C11orf71: variants seen among roughly 807,000 people sequenced by gnomAD.
C11orf71 encodes the protein uncharacterized protein C11orf71.
For missense variants in C11orf71, 179 were observed against 167.6 expected (o/e 1.07, Z -0.38); for synonymous variants, 72 against 73.4 (o/e 0.98, Z 0.09).
chr11:114,392,529 C>CAAAAAAAAAAAAAAA (rs386374967), intron 1 of C11orf71, among the ~76,000 whole-genome samples: 1 of 51,646 alleles, frequency 1.9e-5, no homozygotes, highest in Admixed American at 3.0e-4. Flanking sequence ...TAGAATGAGA[C>CAAAAAAAAAAAAAAA]AAAAAAAAAA....
downstream of C11orf71, among the ~76,000 whole-genome samples, chr11:114,395,334 G>C (rs1349996161): frequency 1.3e-5 from 2 of 152,172 alleles, no homozygotes; most frequent in African/African-American, 4.8e-5. Context: ...AATCTAGATG[G>C]ATAAAAGTTT....
At chr11:114,392,529 C>CAAAAA (rs386374967) in intron 1 of C11orf71, among the ~76,000 whole-genome samples, 221 of 50,980 alleles carry the variant, frequency 4.3e-3, no homozygotes, top group East Asian at 8.1e-3. Context: ...TAGAATGAGA[C>CAAAAA]AAAAAAAAAA....
intron 1 of C11orf71, among the ~76,000 whole-genome samples, chr11:114,392,988 C>T (rs781069558): frequency 1.3e-5 from 2 of 152,186 alleles, no homozygotes; most frequent in Non-Finnish European, 2.9e-5. Flanking sequence ...TACAGTCCTC[C>T]AGCTAAGAAT....
chr11:114,400,493 G>C lies in C11orf71; in HGVS notation c.-162C>G, dbSNP rs867490030. ...CCAGAAGCCGCCTTGCCTTTAACGAGGGGTATCCTGGCGAGCATGCGCAGA... is the reference window on the plus strand; with the variant it reads ...CCAGAAGCCGCCTTGCCTTTAACGACGGGTATCCTGGCGAGCATGCGCAGA... On this transcript the variant is annotated 5_prime_UTR_variant, in exon 1 of 1. Coordinates refer to ENST00000623205, the MANE Select transcript of C11orf71 (RefSeq NM_001271562.2). 3 of 1,266,210 alleles carry C rather than the reference G, an allele frequency of 2.4e-6. No homozygotes were observed. Among genetic ancestry groups the C allele is most frequent in the Non-Finnish European group, 3.2e-6 (3 of 929,872 alleles). 78.4% of individuals were successfully genotyped at this position (1,266,210 alleles called of 1,614,324 possible).
Position 114,391,552 on chromosome 11 carries a change from A to G in C11orf71, c.*13T>C, listed in dbSNP as rs779848963. 11 of 1,386,442 alleles carry G rather than the reference A, an allele frequency of 7.9e-6. No individual in the cohort carries two copies. The South Asian group carries it at 1.2e-4, about 15-fold the overall frequency. 85.9% of individuals were successfully genotyped at this position (1,386,442 alleles called of 1,614,324 possible). A position where few individuals can be genotyped will look rare whatever the true frequency, so the allele number is the denominator to read the frequency against. ...TCTTAAATAATATAAATGTAATTAT[A>G]TCACAAATCAGTTCATATTACTAAA... On this transcript the variant is annotated 3_prime_UTR_variant, in exon 2 of 2. Transcript: ENST00000325636.
intron 1 of C11orf71, among the ~76,000 whole-genome samples, chr11:114,393,358 A>G (rs1032548992): frequency 6.6e-6 from 1 of 152,242 alleles, no homozygotes; most frequent in Non-Finnish European, 1.5e-5. Flanking sequence ...GAATATGTTC[A>G]CAATTCAAAG....
downstream of C11orf71, among the ~76,000 whole-genome samples, chr11:114,394,297 C>CTCTTT: frequency 9.4e-6 from 1 of 106,778 alleles, no homozygotes; most frequent in Non-Finnish European, 1.9e-5. Context: ...CTCTTATTTT[C>CTCTTT]TTTTCTTTTC....
At chr11:114,394,237 CTTTTCT>C (rs1591192745), downstream of C11orf71, among the ~76,000 whole-genome samples, 3 of 45,978 alleles carry the variant, frequency 6.5e-5, no homozygotes, top group East Asian at 7.4e-4. Context: ...TCTTTCTTTT[CTTTTCT>C]TTTCTTTTCT....
rs386374967 is a variant in C11orf71, at chr11:114,392,529, CAA to C, written c.344-866_344-865del. 3.3e-3 allele frequency among the ~76,000 whole-genome samples: 173 copies of C among 51,678 alleles called. 1 individual carries two copies. The highest frequency in any genetic ancestry group is 5.3e-3 in the Admixed American group (18 of 3,372). 33.9% of individuals were successfully genotyped at this position (51,678 alleles called of 152,430 possible). On this transcript the variant is annotated intron_variant, in intron 1 of 1. Transcript: ENST00000325636. ...CTCCAGCCTAGGTGATAGAATGAGA[CAA>C]AAAAAAAAAAAAAAAAAAAGAAGAA...
downstream of C11orf71, among the ~76,000 whole-genome samples, chr11:114,396,643 G>A (rs1324711475): frequency 6.6e-6 from 1 of 152,150 alleles, no homozygotes; most frequent in East Asian, 1.9e-4. Context: ...GCAACTGAAT[G>A]GAAATAGGCA....
downstream of C11orf71, among the ~76,000 whole-genome samples, chr11:114,394,227 T>TCTTTTCTTTCCTTTCCTTTCCTTTC (rs1565256490): frequency 1.2e-4 from 5 of 42,324 alleles, no homozygotes; most frequent in Admixed American, 5.2e-4. Flanking sequence ...TCTTTTCTTT[T>TCTTTTCTTTCCTTTCCTTTCCTTTC]CTTTCTTTTC....
downstream of C11orf71, among the ~76,000 whole-genome samples, chr11:114,394,223 CTTTTCTTTCTT>C (rs1228031663): frequency 1.7e-5 from 1 of 60,272 alleles, no homozygotes; most frequent in African/African-American, 1.1e-4. Flanking sequence ...CTTTTCTTTT[CTTTTCTTTCTT>C]TTCTTTTCTT....
intron 1 of C11orf71, among the ~76,000 whole-genome samples, chr11:114,393,046 C>T (rs745777386): frequency 3.9e-4 from 60 of 152,202 alleles, no homozygotes; most frequent in Non-Finnish European, 8.1e-4. Flanking sequence ...TACCTTTAAC[C>T]TGTTACTGAA....
downstream of C11orf71, among the ~76,000 whole-genome samples, chr11:114,393,995 T>C (rs1168750453): frequency 6.6e-6 from 1 of 152,070 alleles, no homozygotes; most frequent in Non-Finnish European, 1.5e-5. Context: ...TTTTTTTCTT[T>C]TTGAGACAGA....
At chr11:114,392,656 A>G (rs1946082324) in intron 1 of C11orf71, among the ~76,000 whole-genome samples, 1 of 151,700 alleles carries the variant, frequency 6.6e-6, no homozygotes, top group African/African-American at 2.4e-5. Flanking sequence ...GCCTGAGCCC[A>G]AAAAGCCAAG....
chr11:114,394,660 G>A (rs1425621992), downstream of C11orf71, among the ~76,000 whole-genome samples: 1 of 151,254 alleles, frequency 6.6e-6, no homozygotes, highest in Non-Finnish European at 1.5e-5. Flanking sequence ...CGGACTCCTC[G>A]GCCTCCCAAA....
chr11:114,396,848 C>T (rs1946134795), downstream of C11orf71, among the ~76,000 whole-genome samples: 1 of 152,178 alleles, frequency 6.6e-6, no homozygotes, highest in Non-Finnish European at 1.5e-5. Flanking sequence ...TTACTCTTTC[C>T]TCCTATTGGA....
intron 1 of C11orf71, among the ~76,000 whole-genome samples, chr11:114,392,634 G>A (rs1946082218): frequency 6.6e-6 from 1 of 151,564 alleles, no homozygotes; most frequent in South Asian, 2.1e-4. Context: ...GGGAGGCTGA[G>A]GTGGCAGAAT....
downstream of C11orf71, among the ~76,000 whole-genome samples, chr11:114,396,363 T>G (rs1209003666): frequency 3.3e-5 from 5 of 152,254 alleles, no homozygotes; most frequent in Non-Finnish European, 1.5e-5. Context: ...CTTGTCAAAT[T>G]TATTGGCCTC....
Sources: gnomAD v4.1 joint callset for allele counts (sites outside exome capture counted in the v4.1 genomes callset) on GRCh38, gnomAD v4.1.1 for gene constraint, MANE v1.5 for transcripts, NCBI Gene and HGNC (gene_info 2026-07-23, HGNC 2026-07-21) for gene names.